The following RICTOR variants were observed in gnomAD, a reference collection of about 807,000 sequenced individuals.
RICTOR encodes RPTOR independent companion of MTOR complex 2, also known as rapamycin-insensitive companion of mTOR.
Under a neutral mutation model 214.9 loss-of-function variants are expected in RICTOR, and 49 were observed. That is an observed-to-expected ratio of 0.23 (90% CI 0.18 to 0.29). The LOEUF (loss-of-function observed/expected upper bound fraction) is 0.29, where lower values mean the gene tolerates loss of function less well. Among genes scored for constraint, RICTOR ranks in the 10% least tolerant of loss-of-function variants. The pLI is 1.00. For missense variants in RICTOR, 1,625 were observed against 2,047.0 expected, an observed-to-expected ratio of 0.79 and a Z score of 3.98; for synonymous variants, 717 against 711.3, an observed-to-expected ratio of 1.01 and a Z score of -0.13.
chr5:38,999,517 C>G (rs567868624), intron 5 of RICTOR, among the ~76,000 whole-genome samples: 1 of 151,992 alleles, frequency 6.6e-6, no homozygotes, highest in South Asian at 2.1e-4. Flanking sequence ...CTTAATATAT[C>G]AAGGATATAT....
intron 2 of RICTOR, among the ~76,000 whole-genome samples, chr5:39,063,871 T>C (rs1359683358): frequency 6.6e-6 from 1 of 151,932 alleles, no homozygotes; most frequent in Non-Finnish European, 1.5e-5. Flanking sequence ...AGGACGCAGA[T>C]TCTTGAAAAT....
chr5:38,944,210 A>G (rs1182690256), intron 36 of RICTOR: 1 of 594,310 alleles, frequency 1.7e-6, no homozygotes, highest in African/African-American at 1.8e-5. Context: ...GATCTCTTCA[A>G]AAGTCTGGCT....
At chr5:39,018,441 G>A (rs1205305494) in intron 3 of RICTOR, among the ~76,000 whole-genome samples, 1 of 152,114 alleles carries the variant, frequency 6.6e-6, no homozygotes, top group Non-Finnish European at 1.5e-5. Context: ...CACATTGAAG[G>A]TTTGTGGCAA....
At chr5:38,990,653 A>ATATGATATATC (rs1361515919) in intron 7 of RICTOR, among the ~76,000 whole-genome samples, 1 of 52,332 alleles carries the variant, frequency 1.9e-5, no homozygotes, top group African/African-American at 6.1e-5. Flanking sequence ...TATCAGATAT[A>ATATGATATATC]TGATATATAT....
intron 2 of RICTOR, among the ~76,000 whole-genome samples, chr5:39,027,872 C>T (rs1160439389): frequency 6.6e-6 from 1 of 152,096 alleles, no homozygotes; most frequent in Non-Finnish European, 1.5e-5. Context: ...AGACAATCCA[C>T]AAAATGGGTA....
chr5:39,049,143 G>A (rs954551290), intron 2 of RICTOR, among the ~76,000 whole-genome samples: 5 of 152,066 alleles, frequency 3.3e-5, no homozygotes, highest in African/African-American at 1.2e-4. Context: ...GCAGGCAGAA[G>A]CAAACTCAAC....
At position 39,053,128 on chromosome 5, in the gene RICTOR, A is replaced by G. The variant is rs186050145; in HGVS notation, c.97+20983T>C. Among the ~76,000 whole-genome samples the G allele has an allele frequency of 3.2e-3, 484 of 152,322 alleles. 3 individuals carry two copies. The highest frequency in any genetic ancestry group is 0.017 in the Middle Eastern group (5 of 294). On this transcript the variant is annotated intron_variant, in intron 2 of 37. Transcript: ENST00000357387. ...TAAATTTTTTCATAGTTTTTCTCCA[A>G]TTTATTTTAGGCTATTTCAATGCCC...
intron 3 of RICTOR, among the ~76,000 whole-genome samples, chr5:39,009,710 T>G (rs766522565): frequency 1.3e-5 from 2 of 152,094 alleles, no homozygotes; most frequent in Non-Finnish European, 2.9e-5. Flanking sequence ...TGAATTAGAA[T>G]TATCCCGAGC....
chr5:39,001,620 AACAAG>A (rs932883700), intron 5 of RICTOR, among the ~76,000 whole-genome samples: 39 of 152,126 alleles, frequency 2.6e-4, no homozygotes, highest in African/African-American at 9.4e-4. Context: ...GGCAAACTGA[AACAAG>A]ACATTTTCAA....
chr5:38,960,277 T>G, intron 20 of RICTOR, 121 bp downstream of exon 20: 1 of 994,838 alleles, frequency 1.0e-6, no homozygotes, highest in East Asian at 2.4e-5. Flanking sequence ...TTCTTATGTT[T>G]CCAAATACGG....
At chr5:39,064,922 T>C (rs1758790725) in intron 2 of RICTOR, among the ~76,000 whole-genome samples, 2 of 152,116 alleles carry the variant, frequency 1.3e-5, no homozygotes. Context: ...GGTGAGGAAA[T>C]TGAAGCCAGA....
intron 2 of RICTOR, among the ~76,000 whole-genome samples, chr5:39,041,039 C>CT (rs1473629862): frequency 2.0e-5 from 3 of 151,830 alleles, no homozygotes; most frequent in Non-Finnish European, 4.4e-5. Flanking sequence ...GGAAACCTGT[C>CT]TGTCTGTTTA....
intron 10 of RICTOR, 95 bp from the exon 11 acceptor site, chr5:38,972,054 G>A (rs1186042289): frequency 2.0e-5 from 12 of 591,104 alleles, no homozygotes; most frequent in Admixed American, 9.2e-5. Flanking sequence ...ATTTTTCTAG[G>A]CAAAATTATA....
At chr5:38,966,102 GAAAAACAAA>G (rs1448177944) in intron 15 of RICTOR, among the ~76,000 whole-genome samples, 1 of 150,978 alleles carries the variant, frequency 6.6e-6, no homozygotes, top group Non-Finnish European at 1.5e-5. Context: ...ATGGTGAAAA[GAAAAACAAA>G]AAAAACAAAA....
intron 3 of RICTOR, among the ~76,000 whole-genome samples, chr5:39,005,435 AT>A (rs1753982826): frequency 6.6e-6 from 1 of 151,316 alleles, no homozygotes; most frequent in South Asian, 2.1e-4. Flanking sequence ...TATTACATGT[AT>A]CTAATGAGTT....
At chr5:39,006,290 C>T (rs995412901) in intron 3 of RICTOR, among the ~76,000 whole-genome samples, 7 of 152,130 alleles carry the variant, frequency 4.6e-5, no homozygotes, top group African/African-American at 1.7e-4. Flanking sequence ...TCATTGAGAG[C>T]GGTGGTCTAA....
chr5:39,069,741 A>G (rs868382978), intron 2 of RICTOR, among the ~76,000 whole-genome samples: 2 of 152,188 alleles, frequency 1.3e-5, no homozygotes, highest in Non-Finnish European at 2.9e-5. Flanking sequence ...CCGTCAGATT[A>G]TATCAGCAGC....
At chr5:38,991,391 C>T (rs1752763497) in intron 6 of RICTOR, among the ~76,000 whole-genome samples, 1 of 151,992 alleles carries the variant, frequency 6.6e-6, no homozygotes, top group Admixed American at 6.6e-5. Flanking sequence ...TTTTCAGTAC[C>T]TAGACAAGGT....
chr5:38,966,716 T>C lies in RICTOR; in HGVS notation c.1224A>G (p.Leu408=), dbSNP rs772923029. ...CATCACTGTTTGTTATCACTTCAAC[T>C]AGACCCTTTGAAAATAAAAAGATAA... The part of the protein sequence containing the change: ...AFIRNGLLEG[L]VEVITNSDDH... Residue 408 remains leucine, a synonymous_variant, in exon 15 of 38, where the codon CTA becomes CTG. Coordinates refer to ENST00000357387, the MANE Select transcript of RICTOR (RefSeq NM_152756.5). The C allele has an allele frequency of 1.2e-5, 18 of 1,541,470 alleles. No homozygotes were observed. Among genetic ancestry groups the C allele is most frequent in the Non-Finnish European group, 1.5e-5 (17 of 1,122,790 alleles).
Sources: allele counts gnomAD v4.1 joint callset (sites outside exome capture counted in the v4.1 genomes callset), GRCh38; gene constraint gnomAD v4.1.1; transcripts MANE v1.5; gene names NCBI Gene and HGNC (gene_info 2026-07-23, HGNC 2026-07-21).